IGFL2: variants seen among roughly 807,000 people sequenced by gnomAD.
IGFL2 encodes IGF like family member 2.
IGFL2 carries 7 observed loss-of-function variants against 13.9 expected under a neutral mutation model. That is an observed-to-expected ratio of 0.51 (90% CI 0.29 to 0.95). The LOEUF (loss-of-function observed/expected upper bound fraction) is 0.95. Among genes scored for constraint, IGFL2 ranks in the 40% least tolerant of loss-of-function variants. The pLI, the probability that IGFL2 is intolerant of heterozygous loss-of-function variation, is 0.08. For missense variants in IGFL2, 138 were observed against 147.8 expected (o/e 0.93, Z 0.34); for synonymous variants, 55 against 55.8 (o/e 0.99, Z 0.07).
At chr19:46,090,568 G>A in the IGFL2 span, among the ~76,000 whole-genome samples, 1 of 152,154 alleles carries the variant, frequency 6.6e-6, no homozygotes, top group Non-Finnish European at 1.5e-5. Context: ...TGATCTCTGT[G>A]CCACTGTGGC....
At chr19:46,205,314 A>G in the IGFL2 span, among the ~76,000 whole-genome samples, 2 of 152,202 alleles carry the variant, frequency 1.3e-5, no homozygotes, top group African/African-American at 4.8e-5. Context: ...ATTTGTGCCA[A>G]TAGGAAAAGG....
chr19:46,200,335 T>C, the IGFL2 span, among the ~76,000 whole-genome samples: 1 of 151,758 alleles, frequency 6.6e-6, no homozygotes, highest in Non-Finnish European at 1.5e-5. Context: ...GCCCGGCTAA[T>C]TCTAATTTCT....
chr19:46,102,553 C>T, the IGFL2 span, among the ~76,000 whole-genome samples: 22 of 151,760 alleles, frequency 1.4e-4, no homozygotes, highest in African/African-American at 5.1e-4. Flanking sequence ...ATTGCGAGGG[C>T]GGGGAGGGTG....
the IGFL2 span, among the ~76,000 whole-genome samples, chr19:46,104,426 T>C: frequency 3.3e-5 from 5 of 152,272 alleles, no homozygotes; most frequent in East Asian, 9.7e-4. Context: ...CCTGAGAAAC[T>C]GCTTGGGTGA....
At chr19:46,198,699 G>GGA in the IGFL2 span, among the ~76,000 whole-genome samples, 1 of 152,134 alleles carries the variant, frequency 6.6e-6, no homozygotes, top group South Asian at 2.1e-4. Context: ...CCCTTTGCAA[G>GGA]GAGAGAGAGA....
At chr19:46,120,725 A>G in the IGFL2 span, among the ~76,000 whole-genome samples, 7 of 151,076 alleles carry the variant, frequency 4.6e-5, no homozygotes, top group African/African-American at 1.7e-4. Flanking sequence ...TACAGATATT[A>G]TAAACTTCTA....
chr19:46,130,333 T>C, the IGFL2 span, among the ~76,000 whole-genome samples: 4 of 152,182 alleles, frequency 2.6e-5, no homozygotes, highest in East Asian at 7.7e-4. Context: ...TATGATCTCC[T>C]GAACTAAGTG....
At chr19:46,145,633 T>G (rs1179734848), upstream of IGFL2, among the ~76,000 whole-genome samples, 2 of 150,046 alleles carry the variant, frequency 1.3e-5, no homozygotes. Flanking sequence ...TGTGTGTGTG[T>G]GTATTTATTT....
the IGFL2 span, among the ~76,000 whole-genome samples, chr19:46,089,282 C>G: frequency 2.3e-3 from 353 of 152,238 alleles, 2 homozygotes; most frequent in African/African-American, 8.0e-3. Context: ...CTGCTCTGCA[C>G]CTTGTATTTT....
the IGFL2 span, among the ~76,000 whole-genome samples, chr19:46,096,070 G>GT: frequency 6.6e-6 from 1 of 152,124 alleles, no homozygotes; most frequent in Non-Finnish European, 1.5e-5. Context: ...GTCAATGGTA[G>GT]TTTGATGGGA....
At chr19:46,147,311 T>C (rs1046123676), upstream of IGFL2, among the ~76,000 whole-genome samples, 3 of 152,130 alleles carry the variant, frequency 2.0e-5, no homozygotes, top group African/African-American at 4.8e-5. Context: ...CCACAAACTA[T>C]GGAAGGACAG....
upstream of IGFL2, among the ~76,000 whole-genome samples, chr19:46,141,359 T>C (rs182111926): frequency 1.8e-4 from 27 of 152,228 alleles, 1 homozygote; most frequent in Non-Finnish European, 3.7e-4. Flanking sequence ...GTGGTGACTG[T>C]GATAGTCCCG....
At chr19:46,163,865 G>A (rs1449437167), downstream of IGFL2, 1 of 152,354 alleles carries the variant, frequency 6.6e-6, no homozygotes, top group East Asian at 1.9e-4. Context: ...AGTACCTGGA[G>A]GTATCACCAG....
At chr19:46,129,741 C>T in the IGFL2 span, among the ~76,000 whole-genome samples, 11 of 152,074 alleles carry the variant, frequency 7.2e-5, 1 homozygote, top group African/African-American at 2.4e-4. Flanking sequence ...GTTATGATTT[C>T]GGTTCTTTTG....
At chr19:46,145,632 GTGTATT>G (rs941147231), upstream of IGFL2, among the ~76,000 whole-genome samples, 53 of 148,636 alleles carry the variant, frequency 3.6e-4, no homozygotes, top group African/African-American at 1.1e-3. Context: ...GTGTGTGTGT[GTGTATT>G]TATTTATTTA....
At chr19:46,159,478 G>A (rs1478563700) in intron 1 of IGFL2, 1 of 152,168 alleles carries the variant, frequency 6.6e-6, no homozygotes, top group African/African-American at 2.4e-5. Flanking sequence ...TATAGTATAA[G>A]GGGAACATTT....
chr19:46,163,364 C>T (rs1974249273), downstream of IGFL2, among the ~76,000 whole-genome samples: 1 of 152,144 alleles, frequency 6.6e-6, no homozygotes, highest in Non-Finnish European at 1.5e-5. Flanking sequence ...TTGCTTGTCT[C>T]CTGGGGGCTC....
the IGFL2 span, among the ~76,000 whole-genome samples, chr19:46,093,968 A>T: frequency 6.6e-6 from 1 of 151,090 alleles, no homozygotes; most frequent in Non-Finnish European, 1.5e-5. Context: ...TGGAAGACTC[A>T]TTGTTAGATG....
the IGFL2 span, among the ~76,000 whole-genome samples, chr19:46,092,008 A>G: frequency 2.6e-5 from 4 of 152,242 alleles, no homozygotes; most frequent in Admixed American, 6.5e-5. Flanking sequence ...CATTTCTTCT[A>G]TAATGGGGAG....
Sources: allele counts gnomAD v4.1 joint callset (sites outside exome capture counted in the v4.1 genomes callset), GRCh38; gene constraint gnomAD v4.1.1; transcripts MANE v1.5; gene names NCBI Gene and HGNC (gene_info 2026-07-23, HGNC 2026-07-21).